SIL1: variants seen among roughly 807,000 people sequenced by gnomAD.
The protein encoded by SIL1 is nucleotide exchange factor SIL1.
A neutral mutation model predicts 49.1 loss-of-function variants in SIL1; 40 were observed. The ratio of observed to expected loss-of-function variants is 0.81; its 90% CI spans 0.63 to 1.06. The LOEUF is 1.06. Ranked by LOEUF, SIL1 falls within the 50% of genes least tolerant of loss-of-function variation. The pLI is 0.00. For synonymous variants in SIL1, 253 were observed against 250.8 expected, an observed-to-expected ratio of 1.01 and a Z score of -0.08; for missense variants, 500 against 572.6, an observed-to-expected ratio of 0.87 and a Z score of 1.29.
intron 7 of SIL1, among the ~76,000 whole-genome samples, chr5:138,969,507 C>A (rs1323156206): frequency 6.6e-6 from 1 of 152,352 alleles, no homozygotes; most frequent in East Asian, 1.9e-4. Context: ...CCACTCTCCT[C>A]CTGCAATAAT....
chr5:139,138,184 C>T (rs1469429981), intron 1 of SIL1, among the ~76,000 whole-genome samples: 5 of 152,060 alleles, frequency 3.3e-5, no homozygotes, highest in Non-Finnish European at 7.4e-5. Flanking sequence ...ACACACACCA[C>T]GTATATACAC....
At chr5:139,044,820 G>A (rs1404774626) in intron 4 of SIL1, among the ~76,000 whole-genome samples, 3 of 152,110 alleles carry the variant, frequency 2.0e-5, no homozygotes, top group African/African-American at 7.2e-5. Flanking sequence ...TGGTTATCCT[G>A]CCATTTCCCT....
At chr5:139,092,197 A>G (rs1418103350) in intron 3 of SIL1, among the ~76,000 whole-genome samples, 3 of 152,200 alleles carry the variant, frequency 2.0e-5, no homozygotes, top group Admixed American at 6.5e-5. Context: ...TAAAGAATCT[A>G]TAAGTACTTC....
At chr5:139,137,719 C>A (rs1212639697) in intron 1 of SIL1, among the ~76,000 whole-genome samples, 1 of 147,300 alleles carries the variant, frequency 6.8e-6, no homozygotes, top group African/African-American at 2.5e-5. Flanking sequence ...TGTGATGTTC[C>A]CCTTCCTGTG....
At chr5:139,139,612 C>T (rs1031064841) in intron 1 of SIL1, among the ~76,000 whole-genome samples, 1 of 152,354 alleles carries the variant, frequency 6.6e-6, no homozygotes, top group East Asian at 1.9e-4. Flanking sequence ...GATATTGTCA[C>T]TTGCCTCAGG....
intron 1 of SIL1, among the ~76,000 whole-genome samples, chr5:139,134,902 T>C (rs1203457684): frequency 1.3e-5 from 2 of 152,138 alleles, no homozygotes; most frequent in African/African-American, 2.4e-5. Flanking sequence ...CACTCACCTC[T>C]ACACAAACAG....
At chr5:139,105,299 A>G (rs1770675567) in intron 3 of SIL1, among the ~76,000 whole-genome samples, 1 of 152,216 alleles carries the variant, frequency 6.6e-6, no homozygotes, top group Non-Finnish European at 1.5e-5. Flanking sequence ...CAAGGGGTCC[A>G]TTCCAGAAGA....
intron 7 of SIL1, among the ~76,000 whole-genome samples, chr5:139,010,083 A>G (rs1455059441): frequency 6.9e-6 from 1 of 144,668 alleles, no homozygotes; most frequent in Non-Finnish European, 1.5e-5. Context: ...CATTCTCCCC[A>G]TCACTTTCAG....
Position 138,947,141 on chromosome 5 carries a change from G to C in SIL1, c.1362C>G (p.Asn454Lys). ...GYFQELLGSV[N>K]SLLKELR The stretch of plus-strand genomic sequence containing the variant: ...CTCATCTCAGCTCCTTCAGCAAGCT[G>C]TTGACAGAGCCCAGCAGCTCCTGGA... Residue 454 changes from asparagine to lysine, a missense_variant, in exon 10 of 10, where the codon AAC becomes AAG. Coordinates refer to ENST00000394817, the MANE Select transcript of SIL1 (RefSeq NM_022464.5). The surrounding 1 kb of genome is among the most constrained non-coding windows in gnomAD (Gnocchi z 4.1). The C allele has an allele frequency of 6.2e-7, 1 of 1,613,622 alleles. No individual in the cohort carries two copies. The highest frequency in any genetic ancestry group is 1.1e-5 in the South Asian group (1 of 91,052).
At chr5:139,156,003 T>C (rs1751401692) in intron 1 of SIL1, among the ~76,000 whole-genome samples, 1 of 152,134 alleles carries the variant, frequency 6.6e-6, no homozygotes, top group African/African-American at 2.4e-5. Flanking sequence ...CGGCTAACTT[T>C]TGTATTTTCA....
chr5:139,161,442 T>C (rs1190584513), intron 1 of SIL1, among the ~76,000 whole-genome samples: 1 of 152,074 alleles, frequency 6.6e-6, no homozygotes, highest in African/African-American at 2.4e-5. Flanking sequence ...CAGCTTCAGG[T>C]GGGAAAAAGG....
chr5:139,085,111 C>T lies in SIL1; in HGVS notation c.245-34065G>A, dbSNP rs190583704. Among the ~76,000 whole-genome samples, 13 of 152,174 alleles carry T rather than the reference C, an allele frequency of 8.5e-5. No homozygotes were observed. The East Asian group carries it at 2.3e-3, about 27-fold the overall frequency. ...ATGGTTTTAACAGGTAAAAATGATA[C>T]AGGCTAAGGGACGGGGGAGTGGAGA... On this transcript the variant is annotated intron_variant, in intron 3 of 9. Coordinates refer to ENST00000394817, the MANE Select transcript of SIL1 (RefSeq NM_022464.5).
chr5:138,951,816 G>C lies in SIL1; in HGVS notation c.836C>G (p.Thr279Arg), dbSNP rs535287958. The part of the protein sequence containing the change: ...ALQKLLVILA[T>R]EQPLTAKKKV... ...CTTCTTTGCAGTGAGCGGCTGCTCCGTGGCCAGGATGACCAGCAGCTTCTG... is the reference window on the plus strand; with the variant it reads ...CTTCTTTGCAGTGAGCGGCTGCTCCCTGGCCAGGATGACCAGCAGCTTCTG... The change falls in exon 8 of 10, where the codon ACG becomes AGG. Residue 279 changes from threonine (T) to arginine (R), a missense_variant. Coordinates refer to ENST00000394817, the MANE Select transcript of SIL1 (RefSeq NM_022464.5). 3.1e-6 allele frequency: 5 copies of C among 1,613,930 alleles called. No individual in the cohort carries two copies. In the African/African-American group the frequency reaches 6.7e-5, roughly 22 times the overall value.
At chr5:139,189,322 T>A (rs1364285602) in intron 1 of SIL1, among the ~76,000 whole-genome samples, 1 of 152,174 alleles carries the variant, frequency 6.6e-6, no homozygotes, top group East Asian at 1.9e-4. Context: ...GTGGCAGCAT[T>A]AGATTCTCAT....
intron 7 of SIL1, among the ~76,000 whole-genome samples, chr5:139,015,188 T>C (rs1466247715): frequency 6.6e-6 from 1 of 152,228 alleles, no homozygotes; most frequent in African/African-American, 2.4e-5. Context: ...TACTAGGTCC[T>C]ATGCTATATA....
chr5:139,000,959 GA>G (rs1263986199), intron 7 of SIL1, among the ~76,000 whole-genome samples: 2 of 151,682 alleles, frequency 1.3e-5, no homozygotes, highest in Non-Finnish European at 2.9e-5. Flanking sequence ...AAAAAATAGG[GA>G]AAAGATATTA....
rs1176133325 is a variant in SIL1, at chr5:139,112,122, C to T, written c.244+8913G>A. On this transcript the variant is annotated intron_variant, in intron 3 of 9. Transcript: ENST00000394817. The stretch of plus-strand genomic sequence containing the variant: ...TCGGCCTCCCGAGGTGCCGGGATTG[C>T]AGACGGAGTCTAGTTCACTCAGTGC... Among the ~76,000 whole-genome samples, 3 of 152,374 alleles carry T rather than the reference C, an allele frequency of 2.0e-5. No homozygotes were observed. In the East Asian group the frequency reaches 5.8e-4, roughly 29 times the overall value.
intron 3 of SIL1, among the ~76,000 whole-genome samples, chr5:139,060,949 C>G (rs1447085512): frequency 6.6e-6 from 1 of 152,058 alleles, no homozygotes; most frequent in Non-Finnish European, 1.5e-5. Context: ...GAGGTAGGAG[C>G]CATGTCAAAT....
intron 7 of SIL1, among the ~76,000 whole-genome samples, chr5:139,010,217 C>G (rs1768221592): frequency 6.7e-6 from 1 of 149,178 alleles, no homozygotes; most frequent in Admixed American, 6.7e-5. Flanking sequence ...TTCATTTCAT[C>G]TTCCATTACT....
Sources: gnomAD v4.1 joint callset for allele counts (sites outside exome capture counted in the v4.1 genomes callset) on GRCh38, gnomAD v4.1.1 for gene constraint, Gnocchi (gnomAD v3.1) non-coding constraint, MANE v1.5 for transcripts, NCBI Gene and HGNC (gene_info 2026-07-23, HGNC 2026-07-21) for gene names.